The following ATP8A2 variants were observed in gnomAD, a reference collection of about 807,000 sequenced individuals.
ATP8A2 encodes the protein phospholipid-transporting ATPase IB.
A neutral mutation model predicts 165.6 loss-of-function variants in ATP8A2; 100 were observed. That is an observed-to-expected ratio of 0.60 (90% CI 0.51 to 0.71). ATP8A2 has a LOEUF of 0.71. Among genes scored for constraint, ATP8A2 ranks in the 30% least tolerant of loss-of-function variants. The probability of loss-of-function intolerance (pLI) is 0.00; values close to 1 mark genes in which losing one functional copy is unlikely to be tolerated. For missense variants in ATP8A2, 1,227 were observed against 1,479.5 expected (o/e 0.83, Z 2.80); for synonymous variants, 543 against 548.8 (o/e 0.99, Z 0.15).
At chr13:25,585,203 A>G (rs985921405) in intron 23 of ATP8A2, among the ~76,000 whole-genome samples, 4 of 152,190 alleles carry the variant, frequency 2.6e-5, no homozygotes, top group Non-Finnish European at 5.9e-5. Context: ...GCTTGAATTT[A>G]TGCTAACTAG....
At chr13:25,481,025 G>A (rs543561526) in intron 2 of ATP8A2, among the ~76,000 whole-genome samples, 9 of 152,252 alleles carry the variant, frequency 5.9e-5, no homozygotes, top group Middle Eastern at 3.4e-3. Context: ...GCGTGGCAGC[G>A]CGCGCCTGCA....
At chr13:25,792,683 G>A (rs1029853267) in intron 27 of ATP8A2, among the ~76,000 whole-genome samples, 4 of 152,078 alleles carry the variant, frequency 2.6e-5, no homozygotes, top group African/African-American at 9.7e-5. Flanking sequence ...GGCTGAGGCA[G>A]GAGGATTGCT....
intron 33 of ATP8A2, among the ~76,000 whole-genome samples, chr13:25,925,873 G>A (rs937084365): frequency 4.0e-5 from 6 of 151,708 alleles, no homozygotes; most frequent in South Asian, 2.1e-4. Flanking sequence ...GACTACAGGC[G>A]CGCCACCATG....
chr13:25,710,157 C>T (rs1050108837), intron 25 of ATP8A2, among the ~76,000 whole-genome samples: 1 of 152,082 alleles, frequency 6.6e-6, no homozygotes, highest in Non-Finnish European at 1.5e-5. Flanking sequence ...ACTAATTGTA[C>T]ATATTTATGG....
intron 11 of ATP8A2, among the ~76,000 whole-genome samples, chr13:25,552,979 A>G (rs2038869150): frequency 6.6e-6 from 1 of 152,056 alleles, no homozygotes; most frequent in East Asian, 1.9e-4. Context: ...AGCCATTACA[A>G]ATTATCAGTC....
chr13:25,498,118 G>A (rs532552242), intron 2 of ATP8A2, among the ~76,000 whole-genome samples: 111 of 152,274 alleles, frequency 7.3e-4, no homozygotes, highest in Admixed American at 2.1e-3. Flanking sequence ...CACCCAATAC[G>A]GGGCAGGTGT....
At chr13:25,803,067 C>T (rs986371970) in intron 27 of ATP8A2, among the ~76,000 whole-genome samples, 9 of 151,142 alleles carry the variant, frequency 6.0e-5, no homozygotes, top group Non-Finnish European at 1.3e-4. Context: ...TGTAATTTTT[C>T]CTTTACTTAA....
At chr13:25,650,551 C>G (rs943342894) in intron 24 of ATP8A2, among the ~76,000 whole-genome samples, 1 of 152,176 alleles carries the variant, frequency 6.6e-6, no homozygotes, top group African/African-American at 2.4e-5. Context: ...AGAACCTCCA[C>G]TGCAAAATAG....
intron 33 of ATP8A2, among the ~76,000 whole-genome samples, chr13:25,936,500 A>G (rs553837637): frequency 6.6e-6 from 1 of 152,356 alleles, no homozygotes; most frequent in South Asian, 2.1e-4. Context: ...CCCTTAATTG[A>G]AAGAAAAATA....
rs145036925 is a variant in ATP8A2, at chr13:25,662,896, C to G, written c.2212-36277C>G. Among the ~76,000 whole-genome samples the G allele has an allele frequency of 3.1e-3, 466 of 152,162 alleles. 4 individuals are homozygous for G. Among genetic ancestry groups the G allele is most frequent in the African/African-American group, 0.011 (450 of 41,508 alleles). ...CATGTGTTATGTCATTTCCAAGCACCCTGTCAGTAAATGGATGGGTGGCAT... is the reference window on the plus strand; with the variant it reads ...CATGTGTTATGTCATTTCCAAGCACGCTGTCAGTAAATGGATGGGTGGCAT... On this transcript the variant is annotated intron_variant, in intron 24 of 36. Coordinates refer to ENST00000381655, the MANE Select transcript of ATP8A2 (RefSeq NM_016529.6).
Position 25,856,873 on chromosome 13 carries a change from C to T in ATP8A2, c.2957-3322C>T, listed in dbSNP as rs915634083. Among the ~76,000 whole-genome samples the T allele has an allele frequency of 1.6e-4, 24 of 152,336 alleles. No individual in the cohort carries two copies. The East Asian group carries it at 1.7e-3, about 11-fold the overall frequency. On this transcript the variant is annotated intron_variant, in intron 30 of 36. Coordinates refer to ENST00000381655, the MANE Select transcript of ATP8A2 (RefSeq NM_016529.6). Reference sequence around the variant, plus strand: ...CATATTGGGCTGCACAGTTATAACACGACTAGTATCATCCTCTTAGATAGA... The same window carrying T: ...CATATTGGGCTGCACAGTTATAACATGACTAGTATCATCCTCTTAGATAGA...
At chr13:25,426,799 A>C (rs2034461363) in intron 1 of ATP8A2, among the ~76,000 whole-genome samples, 3 of 152,032 alleles carry the variant, frequency 2.0e-5, no homozygotes, top group Non-Finnish European at 4.4e-5. Context: ...AAAAAAAATT[A>C]GCTGGGCACG....
intron 25 of ATP8A2, among the ~76,000 whole-genome samples, chr13:25,765,937 C>G (rs1451185734): frequency 2.0e-5 from 3 of 152,176 alleles, no homozygotes; most frequent in East Asian, 3.9e-4. Context: ...AGTGGCCAAG[C>G]CTTTGCCTGT....
intron 24 of ATP8A2, among the ~76,000 whole-genome samples, chr13:25,612,987 C>T (rs373485488): frequency 5.3e-5 from 8 of 152,078 alleles, no homozygotes; most frequent in Admixed American, 6.6e-5. Flanking sequence ...TTTTTTTCTA[C>T]CCCTTTACCT....
chr13:25,963,541 G>A (rs574739226), intron 34 of ATP8A2, among the ~76,000 whole-genome samples: 1 of 152,308 alleles, frequency 6.6e-6, no homozygotes, highest in East Asian at 1.9e-4. Flanking sequence ...GTTTTGCAAA[G>A]ATAAGTCAGT....
chr13:25,885,706 C>T (rs1310121308), intron 33 of ATP8A2, among the ~76,000 whole-genome samples: 1 of 152,180 alleles, frequency 6.6e-6, no homozygotes, highest in Non-Finnish European at 1.5e-5. Flanking sequence ...TAGAATTAAA[C>T]AATCAGAAAC....
intron 1 of ATP8A2, among the ~76,000 whole-genome samples, chr13:25,375,271 G>C (rs1044038454): frequency 2.0e-5 from 3 of 152,218 alleles, no homozygotes; most frequent in African/African-American, 7.2e-5. Context: ...AGGGAACACA[G>C]CAGTGTGTCT....
intron 1 of ATP8A2, among the ~76,000 whole-genome samples, chr13:25,431,147 T>TTTTA (rs76673737): frequency 0.93 from 141,449 of 151,880 alleles, 66,451 homozygotes; most frequent in East Asian, 0.99. Context: ...ACAGATTTTA[T>TTTTA]TTTATTTGTT....
chr13:25,968,465 G>A (rs368143038), intron 34 of ATP8A2, 110 bp from the exon 35 acceptor site: 8 of 890,552 alleles, frequency 9.0e-6, no homozygotes, highest in Middle Eastern at 2.8e-4. Flanking sequence ...CCCGAGCCTC[G>A]GCCTCCACCA....
Sources: allele counts gnomAD v4.1 joint callset (sites outside exome capture counted in the v4.1 genomes callset), GRCh38; gene constraint gnomAD v4.1.1; transcripts MANE v1.5; gene names NCBI Gene and HGNC (gene_info 2026-07-23, HGNC 2026-07-21).